Variants in DCLK3 observed in about 807,000 individuals in gnomAD.
The protein encoded by DCLK3 is serine/threonine-protein kinase DCLK3.
DCLK3 carries 30 observed loss-of-function variants against 46.4 expected under a neutral mutation model. The observed-to-expected ratio is 0.65, with a 90% CI of 0.48 to 0.88. DCLK3 has a LOEUF of 0.88. Among genes scored for constraint, DCLK3 ranks in the 40% least tolerant of loss-of-function variants. DCLK3 has a pLI of 0.00. For synonymous variants in DCLK3, 401 were observed against 339.2 expected (o/e 1.18, Z -2.00); for missense variants, 846 against 907.1 (o/e 0.93, Z 0.87).
Position 36,738,608 on chromosome 3 carries a change from G to C in DCLK3, c.559C>G (p.Leu187Val). Residue 187 changes from leucine to valine, a missense_variant, in exon 2 of 5, where the codon CTG becomes GTG. This residue lies in a region of DCLK3 where 553 missense variants were observed against 543.0 expected (regional missense o/e 1.02). Coordinates refer to ENST00000636136, the MANE Select transcript of DCLK3 (RefSeq NM_001394672.2). ...LKSIQVAVEE[L>V]YPNKARALTL... is the part of the protein sequence containing the mutation. ...AGGGCCCGGGCTTTGTTGGGGTACA[G>C]TTCTTCTACAGCCACCTGAATGCTC... 7.3e-7 allele frequency: 1 copy of C among 1,378,308 alleles called. No individual in the cohort carries two copies. The highest frequency in any genetic ancestry group is 2.0e-4 in the Middle Eastern group (1 of 5,110). 85.4% of individuals were successfully genotyped at this position (1,378,308 alleles called of 1,614,324 possible).
At chr3:36,753,926 C>T (rs1258929671) in intron 1 of DCLK3, among the ~76,000 whole-genome samples, 3 of 152,262 alleles carry the variant, frequency 2.0e-5, no homozygotes, top group Admixed American at 1.3e-4. Flanking sequence ...TGACCTCTCG[C>T]GCCTCGGCCT....
intron 1 of DCLK3, among the ~76,000 whole-genome samples, chr3:36,758,993 T>C (rs1043583209): frequency 1.3e-5 from 2 of 152,260 alleles, no homozygotes; most frequent in Admixed American, 1.3e-4. Context: ...GCTGTGTTGA[T>C]ATTTTATTTA....
chr3:36,746,153 G>A (rs1701391849), intron 1 of DCLK3, among the ~76,000 whole-genome samples: 1 of 152,154 alleles, frequency 6.6e-6, no homozygotes, highest in African/African-American at 2.4e-5. Flanking sequence ...TCTCAGAAGT[G>A]CCTCTGTCCA....
At chr3:36,725,624 A>G (rs956362685) in intron 2 of DCLK3, among the ~76,000 whole-genome samples, 2 of 152,194 alleles carry the variant, frequency 1.3e-5, no homozygotes, top group Non-Finnish European at 2.9e-5. Context: ...CTCAAAATAA[A>G]AGAGGGGAGA....
intron 1 of DCLK3, among the ~76,000 whole-genome samples, chr3:36,741,475 G>A (rs1701344093): frequency 6.6e-6 from 1 of 152,170 alleles, no homozygotes; most frequent in Non-Finnish European, 1.5e-5. Flanking sequence ...TGCTGGCTGT[G>A]GTCACAAGAG....
At position 36,764,456 on chromosome 3, in the gene DCLK3, C is replaced by T. The variant is rs1230650615; in HGVS notation, c.-193G>A. On this transcript the variant is annotated 5_prime_UTR_variant, in exon 1 of 5. Transcript: ENST00000636136. The surrounding 1 kb of genome is among the most constrained non-coding windows in gnomAD (Gnocchi z 4.9). The stretch of plus-strand genomic sequence containing the variant: ...GCGCCGCGCAGCGCCCGGCGACAGC[C>T]ACCGGGAACGTCTCCGGGGGCGCGG... 3 of 167,028 alleles carry T rather than the reference C, an allele frequency of 1.8e-5. No homozygotes were observed. Among genetic ancestry groups the T allele is most frequent in the African/African-American group, 7.2e-5 (3 of 41,700 alleles). The allele number at this position is 167,028 out of a possible 1,614,324, so 10.3% of individuals were successfully genotyped here. A position where few individuals can be genotyped will look rare whatever the true frequency, so the allele number is the denominator to read the frequency against.
chr3:36,752,169 A>C (rs536803001), intron 1 of DCLK3, among the ~76,000 whole-genome samples: 7 of 152,312 alleles, frequency 4.6e-5, no homozygotes, highest in Non-Finnish European at 8.8e-5. Context: ...CTCTGCCTTC[A>C]CAAGGACAGC....
chr3:36,721,217 T>G (rs1273975841), intron 3 of DCLK3, among the ~76,000 whole-genome samples: 1 of 152,080 alleles, frequency 6.6e-6, no homozygotes, highest in Non-Finnish European at 1.5e-5. Context: ...TAGCCTTGCT[T>G]GCTTGAGTTC....
At chr3:36,753,081 T>A (rs556283396) in intron 1 of DCLK3, among the ~76,000 whole-genome samples, 13 of 152,306 alleles carry the variant, frequency 8.5e-5, no homozygotes, top group African/African-American at 3.1e-4. Flanking sequence ...TGAAAGGATA[T>A]GACTATTACT....
At chr3:36,734,853 T>A (rs1427880050) in intron 2 of DCLK3, among the ~76,000 whole-genome samples, 1 of 152,154 alleles carries the variant, frequency 6.6e-6, no homozygotes, top group Non-Finnish European at 1.5e-5. Context: ...TTCCTTGCTG[T>A]TTTCCTACTT....
chr3:36,720,575 G>T (rs1389635749), intron 3 of DCLK3, among the ~76,000 whole-genome samples: 2 of 146,920 alleles, frequency 1.4e-5, no homozygotes, highest in South Asian at 4.3e-4. Context: ...CACGATCTTG[G>T]CTCACTGCAA....
chr3:36,759,937 C>A (rs1462167720), intron 1 of DCLK3, among the ~76,000 whole-genome samples: 1 of 152,214 alleles, frequency 6.6e-6, no homozygotes, highest in Non-Finnish European at 1.5e-5. Context: ...CTCACCCACT[C>A]CCCGCAATCA....
At chr3:36,732,950 A>T (rs1010262295) in intron 2 of DCLK3, among the ~76,000 whole-genome samples, 8 of 152,250 alleles carry the variant, frequency 5.3e-5, no homozygotes, top group Admixed American at 5.2e-4. Flanking sequence ...GTGATTGAAC[A>T]GGTTCATGGT....
chr3:36,747,429 G>C (rs1461956720), intron 1 of DCLK3, among the ~76,000 whole-genome samples: 1 of 150,680 alleles, frequency 6.6e-6, no homozygotes, highest in Non-Finnish European at 1.5e-5. Context: ...CTTATATGGG[G>C]GAAAAAAGGT....
intron 2 of DCLK3, among the ~76,000 whole-genome samples, chr3:36,734,941 C>A (rs1372503919): frequency 1.3e-5 from 2 of 152,232 alleles, no homozygotes; most frequent in Non-Finnish European, 2.9e-5. Flanking sequence ...TCCCTTCACA[C>A]AAATGAGAGC....
At chr3:36,756,141 T>C (rs528248724) in intron 1 of DCLK3, among the ~76,000 whole-genome samples, 2 of 152,256 alleles carry the variant, frequency 1.3e-5, no homozygotes, top group East Asian at 3.9e-4. Context: ...AAAAGTGAAG[T>C]AGGACAGTGG....
intron 2 of DCLK3, among the ~76,000 whole-genome samples, chr3:36,728,150 T>G (rs998338806): frequency 6.6e-6 from 1 of 152,218 alleles, no homozygotes; most frequent in South Asian, 2.1e-4. Context: ...TTCACCCCTA[T>G]GTTGATTCAG....
At chr3:36,723,722 G>T (rs1028887492) in intron 2 of DCLK3, among the ~76,000 whole-genome samples, 1 of 152,190 alleles carries the variant, frequency 6.6e-6, no homozygotes, top group African/African-American at 2.4e-5. Flanking sequence ...AAGAATTGGG[G>T]TTTAGGAACC....
intron 2 of DCLK3, among the ~76,000 whole-genome samples, chr3:36,725,980 A>G (rs1249274440): frequency 2.6e-5 from 4 of 152,318 alleles, no homozygotes; most frequent in South Asian, 4.1e-4. Context: ...TCCTCCCCCA[A>G]CAAGGGATTT....
Sources: gnomAD v4.1 joint callset for allele counts (sites outside exome capture counted in the v4.1 genomes callset) on GRCh38, gnomAD v4.1.1 for gene constraint, gnomAD v4.1.1 regional missense constraint, Gnocchi (gnomAD v3.1) non-coding constraint, MANE v1.5 for transcripts, NCBI Gene and HGNC (gene_info 2026-07-23, HGNC 2026-07-21) for gene names.